MYPN: variants seen among roughly 807,000 people sequenced by gnomAD.
MYPN encodes myopalladin.
A neutral mutation model predicts 129.4 loss-of-function variants in MYPN; 63 were observed. The observed-to-expected ratio is 0.49, with a 90% CI of 0.40 to 0.60. The LOEUF is 0.60. MYPN is among the 20% of genes least tolerant of loss of function. The pLI is 0.00. For missense variants in MYPN, 1,596 were observed against 1,635.4 expected, an observed-to-expected ratio of 0.98 and a Z score of 0.42; for synonymous variants, 629 against 600.9, an observed-to-expected ratio of 1.05 and a Z score of -0.68.
At chr10:68,106,705 A>C, upstream of MYPN, 2 of 716,826 alleles carry the variant, frequency 2.8e-6, no homozygotes, top group South Asian at 1.5e-5. Flanking sequence ...ATATGAATCT[A>C]CTAGCATGGA....
At chr10:68,165,344 C>G in intron 8 of MYPN, 1 of 397,774 alleles carries the variant, frequency 2.5e-6, no homozygotes, top group South Asian at 1.9e-5. Flanking sequence ...CCCAGCTACT[C>G]GGGAGGCTGA....
intron 11 of MYPN, among the ~76,000 whole-genome samples, chr10:68,175,107 G>A (rs972689475): frequency 2.0e-5 from 3 of 150,944 alleles, no homozygotes; most frequent in African/African-American, 7.3e-5. Context: ...CTGCACTCCA[G>A]CCTGGATGAC....
In MYPN at chr10:68,211,933, C is replaced by T. The variant is rs771465374; in HGVS notation, c.*1478C>T. On this transcript the variant is annotated 3_prime_UTR_variant, in exon 20 of 20. Coordinates refer to ENST00000358913, the MANE Select transcript of MYPN (RefSeq NM_032578.4). ...CTGGCATTGTATTTGTGTGAACAGA[C>T]AGTAACTGCTTAGAAAGGCTTGAAA... The T allele has an allele frequency of 5.3e-5, 21 of 394,624 alleles. No individual in the cohort carries two copies. Among genetic ancestry groups the T allele is most frequent in the Non-Finnish European group, 1.0e-4 (20 of 198,026 alleles). 24.4% of individuals were successfully genotyped at this position (394,624 alleles called of 1,614,324 possible).
upstream of MYPN, chr10:68,106,933 C>A: frequency 1.6e-6 from 1 of 639,376 alleles, no homozygotes. Flanking sequence ...AGGCTTAAGA[C>A]ATGTAACCAA....
chr10:68,201,315 A>G (rs2043706562), intron 17 of MYPN, among the ~76,000 whole-genome samples: 2 of 152,272 alleles, frequency 1.3e-5, no homozygotes, highest in South Asian at 4.1e-4. Context: ...TGTTTTTTAA[A>G]CCATTTATGA....
At chr10:68,147,210 T>A (rs899793121) in intron 4 of MYPN, among the ~76,000 whole-genome samples, 2 of 152,130 alleles carry the variant, frequency 1.3e-5, no homozygotes, top group African/African-American at 4.8e-5. Flanking sequence ...GCTAGAGTGC[T>A]GTAGTGCGAT....
chr10:68,124,081 G>C (rs950592740), intron 2 of MYPN, among the ~76,000 whole-genome samples: 1 of 152,262 alleles, frequency 6.6e-6, no homozygotes, highest in Non-Finnish European at 1.5e-5. Flanking sequence ...GGCAAATGCA[G>C]TGCAAGTTTC....
intron 12 of MYPN, among the ~76,000 whole-genome samples, chr10:68,186,305 G>A (rs117942212): frequency 0.014 from 2,105 of 152,234 alleles, 23 homozygotes; most frequent in Middle Eastern, 0.051. Context: ...GAAACACTTG[G>A]TTTCTGTAGT....
At chr10:68,148,520 G>T (rs1395915441) in intron 5 of MYPN, 53 bp downstream of exon 5, 3 of 1,422,528 alleles carry the variant, frequency 2.1e-6, no homozygotes, top group Non-Finnish European at 3.0e-6. Flanking sequence ...AGACAGTCAT[G>T]GTGACCATGA....
At position 68,159,505 on chromosome 10, in the gene MYPN, A is replaced by G. The variant is rs563469995; in HGVS notation, c.1459+878A>G. Among the ~76,000 whole-genome samples the G allele has an allele frequency of 1.4e-4, 21 of 152,192 alleles. No individual in the cohort carries two copies. The East Asian group carries it at 1.9e-3, about 14-fold the overall frequency. Reference sequence around the variant, plus strand: ...AAGTCTTTGTATTTCTTTATTTCACATTGGGTTCTTGCTCTTTTTTATTGT... The same window carrying G: ...AAGTCTTTGTATTTCTTTATTTCACGTTGGGTTCTTGCTCTTTTTTATTGT... On this transcript the variant is annotated intron_variant, in intron 7 of 19. Transcript: ENST00000358913.
Position 68,125,831 on chromosome 10 carries a change from T to C in MYPN, c.902+3491T>C, listed in dbSNP as rs80027529. On this transcript the variant is annotated intron_variant, in intron 2 of 19. Coordinates refer to ENST00000358913, the MANE Select transcript of MYPN (RefSeq NM_032578.4). ...GTGATTCACTGGGAGTACAAAACAA[T>C]TGTGAGCTAGTGGAGGTCATAAATC... Among the ~76,000 whole-genome samples, 543 of 152,332 alleles carry C rather than the reference T, an allele frequency of 3.6e-3. 7 individuals carry two copies. Among genetic ancestry groups the C allele is most frequent in the African/African-American group, 0.013 (530 of 41,572 alleles).
At chr10:68,122,402 A>G (rs1478187844) in intron 2 of MYPN, 62 bp downstream of exon 2, 4 of 1,557,544 alleles carry the variant, frequency 2.6e-6, no homozygotes, top group Non-Finnish European at 3.5e-6. Flanking sequence ...GACCCTCCCA[A>G]GTATTATCAT....
chr10:68,089,329 G>A lies in MYPN; in HGVS notation c.-2+1337G>A, dbSNP rs561020373. On this transcript the variant is annotated intron_variant, in intron 1 of 6. Transcript: ENST00000685154. ...TTAAAGGTGTGAGCCACTTTGCCTGGCCTGTTTTTTGTTTATTTGTTTGTT... is the reference window on the plus strand; with the variant it reads ...TTAAAGGTGTGAGCCACTTTGCCTGACCTGTTTTTTGTTTATTTGTTTGTT... Among the ~76,000 whole-genome samples the A allele has an allele frequency of 2.0e-5, 3 of 151,878 alleles. No individual in the cohort carries two copies. The South Asian group carries it at 6.2e-4, about 32-fold the overall frequency.
chr10:68,117,463 C>T (rs1447564132), intron 1 of MYPN, among the ~76,000 whole-genome samples: 2 of 151,908 alleles, frequency 1.3e-5, no homozygotes, highest in Non-Finnish European at 2.9e-5. Context: ...TGGAGAGGTA[C>T]CCAACTCAGG....
At chr10:68,153,912 C>T (rs190520670) in intron 6 of MYPN, among the ~76,000 whole-genome samples, 29 of 150,888 alleles carry the variant, frequency 1.9e-4, no homozygotes, top group Admixed American at 1.1e-3. Context: ...CCAATCGTGG[C>T]AAGAAGCCAG....
At chr10:68,109,805 T>C (rs1286056202) in intron 1 of MYPN, 82 bp downstream of exon 1, 3 of 385,620 alleles carry the variant, frequency 7.8e-6, no homozygotes, top group African/African-American at 6.3e-5. Context: ...AAAGAACTCA[T>C]TACTGTTACT....
intron 16 of MYPN, among the ~76,000 whole-genome samples, chr10:68,199,026 C>T (rs2043661775): frequency 6.6e-6 from 1 of 151,702 alleles, no homozygotes; most frequent in Non-Finnish European, 1.5e-5. Context: ...TGGCTTTTCT[C>T]TTGGCTATTA....
At chr10:68,202,268 TAAAAAATACA>T (rs2043730196) in intron 18 of MYPN, among the ~76,000 whole-genome samples, 1 of 151,934 alleles carries the variant, frequency 6.6e-6, no homozygotes, top group African/African-American at 2.4e-5. Context: ...CTATCTTTAC[TAAAAAATACA>T]AAAAATTAGC....
intron 12 of MYPN, among the ~76,000 whole-genome samples, chr10:68,176,856 C>G (rs2134209645): frequency 6.6e-6 from 1 of 152,306 alleles, no homozygotes; most frequent in East Asian, 1.9e-4. Flanking sequence ...TGAAACGCTG[C>G]AGTGTTTTCA....
Sources: gnomAD v4.1 joint callset for allele counts (sites outside exome capture counted in the v4.1 genomes callset) on GRCh38, gnomAD v4.1.1 for gene constraint, MANE v1.5 for transcripts, NCBI Gene and HGNC (gene_info 2026-07-23, HGNC 2026-07-21) for gene names.